Variants in SLIT2 observed in about 807,000 individuals in gnomAD.
SLIT2 encodes the protein slit homolog 2 protein.
Under a neutral mutation model 185.7 loss-of-function variants are expected in SLIT2, and 41 were observed. The observed-to-expected ratio is 0.22, with a 90% CI of 0.17 to 0.29. SLIT2 has a LOEUF of 0.29. Among genes scored for constraint, SLIT2 ranks in the 10% least tolerant of loss-of-function variants. The pLI is 1.00. For synonymous variants in SLIT2, 693 were observed against 680.2 expected (o/e 1.02, Z -0.29); for missense variants, 1,571 against 1,909.0 (o/e 0.82, Z 3.30).
chr4:20,336,836 C>T (rs1720547314), intron 4 of SLIT2, among the ~76,000 whole-genome samples: 1 of 152,138 alleles, frequency 6.6e-6, no homozygotes, highest in Non-Finnish European at 1.5e-5. Flanking sequence ...CCAGTCATTA[C>T]CATGGTCATT....
intron 29 of SLIT2, among the ~76,000 whole-genome samples, chr4:20,577,800 CT>C (rs1726202732): frequency 1.3e-5 from 2 of 152,276 alleles, no homozygotes; most frequent in Admixed American, 1.3e-4. Context: ...GAAATGTATA[CT>C]TTTTAAAATC....
intron 30 of SLIT2, among the ~76,000 whole-genome samples, chr4:20,594,158 T>C (rs1727761833): frequency 6.7e-6 from 1 of 149,026 alleles, no homozygotes; most frequent in Non-Finnish European, 1.5e-5. Flanking sequence ...CATACATATG[T>C]ATGTGTGTAT....
intron 4 of SLIT2, among the ~76,000 whole-genome samples, chr4:20,455,831 A>T (rs1560437905): frequency 6.6e-6 from 1 of 152,166 alleles, no homozygotes; most frequent in Non-Finnish European, 1.5e-5. Flanking sequence ...AGTCATTTGC[A>T]ATATTTTCTG....
chr4:20,281,450 A>G (rs972592093), intron 4 of SLIT2, among the ~76,000 whole-genome samples: 4 of 152,206 alleles, frequency 2.6e-5, no homozygotes, highest in Non-Finnish European at 5.9e-5. Flanking sequence ...TGCACCCGGG[A>G]CAATTCATTT....
chr4:20,525,249 A>G (rs1016396984), intron 15 of SLIT2, 77 bp downstream of exon 15: 4 of 1,062,108 alleles, frequency 3.8e-6, no homozygotes, highest in African/African-American at 3.1e-5. Context: ...TAAAACTGAT[A>G]TGCATGCTTC....
At position 20,438,326 on chromosome 4, in the gene SLIT2, G is replaced by A. The variant is rs150273762; in HGVS notation, c.396-29426G>A. 4.8e-3 allele frequency among the ~76,000 whole-genome samples: 725 copies of A among 152,294 alleles called. 8 individuals are homozygous for A. Among genetic ancestry groups the A allele is most frequent in the African/African-American group, 0.017 (689 of 41,562 alleles). On this transcript the variant is annotated intron_variant, in intron 4 of 36. Transcript: ENST00000504154. ...GTTTATTGGACTTACAGTTCCACAT[G>A]GCTGGGGAGGCCTCACAATCATGGC...
rs981421347 is a variant in SLIT2 at position 20,528,023 on chromosome 4, T to C, written c.1463-926T>C. On this transcript the variant is annotated intron_variant, in intron 15 of 36. Transcript: ENST00000504154. The surrounding 1 kb of genome is among the most constrained non-coding windows in gnomAD (Gnocchi z 4.2). ...TTGTAGCTCACCTTCAACTTCTTCC[T>C]GGATGTTGTTCCCGAAAGCTGTTGT... 2.0e-5 allele frequency among the ~76,000 whole-genome samples: 3 copies of C among 152,166 alleles called. No homozygotes were observed. Among genetic ancestry groups the C allele is most frequent in the Admixed American group, 2.0e-4 (3 of 15,286 alleles).
At chr4:20,475,703 GT>G (rs1258658700) in intron 5 of SLIT2, among the ~76,000 whole-genome samples, 3 of 152,000 alleles carry the variant, frequency 2.0e-5, no homozygotes, top group Non-Finnish European at 2.9e-5. Context: ...TTTATTAAAC[GT>G]TAGCAATTAT....
At position 20,599,863 on chromosome 4, in the gene SLIT2, A is replaced by G. The variant is rs184683714; in HGVS notation, c.3692+1468A>G. ...GTTATTGATATTCTCATATGTATCA[A>G]TGTGCTTTAAAAGTCTGCACATCTT... is the stretch of plus-strand genomic sequence containing the variant. On this transcript the variant is annotated intron_variant, in intron 33 of 36. Transcript: ENST00000504154. 6.6e-5 allele frequency among the ~76,000 whole-genome samples: 10 copies of G among 152,348 alleles called. No homozygotes were observed. The East Asian group carries it at 1.5e-3, about 24-fold the overall frequency.
At chr4:20,411,464 G>T (rs1036245876) in intron 4 of SLIT2, among the ~76,000 whole-genome samples, 8 of 152,094 alleles carry the variant, frequency 5.3e-5, no homozygotes, top group African/African-American at 1.7e-4. Flanking sequence ...AAAGCCAGGG[G>T]GTCTGGCTTC....
intron 12 of SLIT2, among the ~76,000 whole-genome samples, chr4:20,523,521 T>C (rs1721019996): frequency 1.3e-5 from 2 of 152,222 alleles, no homozygotes; most frequent in African/African-American, 2.4e-5. Flanking sequence ...TGGTTAATAA[T>C]GTGTATTGAA....
intron 6 of SLIT2, among the ~76,000 whole-genome samples, chr4:20,485,709 T>C (rs867671966): frequency 6.6e-6 from 1 of 152,190 alleles, no homozygotes; most frequent in African/African-American, 2.4e-5. Context: ...CTGCGGTAAA[T>C]AATAGTTATC....
intron 14 of SLIT2, 68 bp from the exon 15 acceptor site, chr4:20,525,081 T>C: frequency 8.7e-7 from 1 of 1,149,238 alleles, no homozygotes; most frequent in Non-Finnish European, 1.3e-6. Context: ...CTTAATCTAA[T>C]ATAACTCATA....
chr4:20,289,301 C>T (rs1467065116), intron 4 of SLIT2, among the ~76,000 whole-genome samples: 1 of 152,084 alleles, frequency 6.6e-6, no homozygotes, highest in Non-Finnish European at 1.5e-5. Context: ...TAATAAAACT[C>T]ACATTTCCAG....
chr4:20,486,185 T>G lies in SLIT2; in HGVS notation c.540-15T>G. The stretch of plus-strand genomic sequence containing the variant: ...TTGTATCTAAAAATTCTAACTTTTC[T>G]TTTTAATTCTACAGCACTCTCAACA... On this transcript the variant is annotated splice_polypyrimidine_tract_variant and intron_variant, in intron 6 of 36. Transcript: ENST00000504154. 6.5e-7 allele frequency: 1 copy of G among 1,547,096 alleles called. No homozygotes were observed. Among genetic ancestry groups the G allele is most frequent in the Non-Finnish European group, 8.9e-7 (1 of 1,121,414 alleles).
chr4:20,538,487 T>G (rs1326001226), intron 18 of SLIT2, among the ~76,000 whole-genome samples: 30 of 152,242 alleles, frequency 2.0e-4, no homozygotes. Flanking sequence ...AACCTAGAAT[T>G]TTAAAGTGAC....
At chr4:20,277,414 T>G (rs1714275424) in intron 4 of SLIT2, among the ~76,000 whole-genome samples, 2 of 152,026 alleles carry the variant, frequency 1.3e-5, no homozygotes, top group South Asian at 4.1e-4. Flanking sequence ...TCTCATAAGT[T>G]TCTAGACTAA....
At chr4:20,449,599 G>A (rs1315847134) in intron 4 of SLIT2, among the ~76,000 whole-genome samples, 3 of 152,098 alleles carry the variant, frequency 2.0e-5, no homozygotes, top group African/African-American at 7.2e-5. Context: ...AGTAGAGACA[G>A]GGTTTCACCA....
intron 12 of SLIT2, 117 bp downstream of exon 12, chr4:20,519,570 A>G: frequency 1.6e-6 from 1 of 642,786 alleles, no homozygotes; most frequent in Non-Finnish European, 2.7e-6. Context: ...ACAGTTTAAC[A>G]AAATAGAAAA....
Sources: allele counts gnomAD v4.1 joint callset (sites outside exome capture counted in the v4.1 genomes callset), GRCh38; gene constraint gnomAD v4.1.1; non-coding constraint Gnocchi (gnomAD v3.1); transcripts MANE v1.5; gene names NCBI Gene and HGNC (gene_info 2026-07-23, HGNC 2026-07-21).